The following TMEM163 variants were observed in gnomAD, a reference collection of about 807,000 sequenced individuals.
TMEM163 encodes the protein transmembrane protein 163.
TMEM163 carries 17 observed loss-of-function variants against 29.3 expected under a neutral mutation model. The observed-to-expected ratio is 0.58, with a 90% confidence interval of 0.40 to 0.87. The LOEUF is 0.87. Ranked by LOEUF, TMEM163 falls within the 40% of genes least tolerant of loss-of-function variation. The pLI is 0.00. For missense variants in TMEM163, 303 were observed against 381.5 expected (o/e 0.79, Z 1.71); for synonymous variants, 157 against 160.6 (o/e 0.98, Z 0.17).
At chr2:134,590,551 CAAGA>C (rs922649774) in intron 2 of TMEM163, among the ~76,000 whole-genome samples, 1 of 152,070 alleles carries the variant, frequency 6.6e-6, no homozygotes, top group Non-Finnish European at 1.5e-5. Flanking sequence ...GGATCTTGTG[CAAGA>C]AAGAATTCAG....
intron 5 of TMEM163, among the ~76,000 whole-genome samples, chr2:134,480,928 C>G (rs1687038030): frequency 6.6e-6 from 1 of 152,114 alleles, no homozygotes; most frequent in Non-Finnish European, 1.5e-5. Context: ...AATGGTAATA[C>G]CAGTTTAACC....
At chr2:134,561,305 G>A (rs749978844) in intron 2 of TMEM163, among the ~76,000 whole-genome samples, 3 of 152,190 alleles carry the variant, frequency 2.0e-5, no homozygotes, top group African/African-American at 7.2e-5. Context: ...CTGGGTTCAC[G>A]CCATTCTCCA....
intron 2 of TMEM163, among the ~76,000 whole-genome samples, chr2:134,672,746 C>G (rs1472058369): frequency 6.6e-6 from 1 of 152,138 alleles, no homozygotes; most frequent in Non-Finnish European, 1.5e-5. Context: ...TCTATATCCC[C>G]TTGGTCCACT....
chr2:134,617,597 AT>A (rs1279882836), intron 2 of TMEM163, among the ~76,000 whole-genome samples: 1 of 150,106 alleles, frequency 6.7e-6, no homozygotes, highest in Admixed American at 6.6e-5. Context: ...GTGAGACCCC[AT>A]CTCAAAAAAA....
intron 2 of TMEM163, among the ~76,000 whole-genome samples, chr2:134,670,740 G>A (rs1350344104): frequency 1.3e-5 from 2 of 152,188 alleles, no homozygotes; most frequent in African/African-American, 4.8e-5. Context: ...CAAAGACTTG[G>A]CCTTTTAACT....
chr2:134,630,261 A>G (rs192076981), intron 2 of TMEM163, among the ~76,000 whole-genome samples: 177 of 152,148 alleles, frequency 1.2e-3, no homozygotes, highest in African/African-American at 4.2e-3. Context: ...ACACATGATA[A>G]GTCTCTAGGA....
At chr2:134,603,046 ATGC>A (rs1682271136) in intron 2 of TMEM163, among the ~76,000 whole-genome samples, 1 of 152,154 alleles carries the variant, frequency 6.6e-6, no homozygotes, top group South Asian at 2.1e-4. Context: ...CCTCCAAAAG[ATGC>A]TGCCCCATGT....
At chr2:134,458,284 G>A (rs1686447800) in intron 6 of TMEM163, 111 bp from the exon 7 acceptor site, 6 of 1,349,914 alleles carry the variant, frequency 4.4e-6, no homozygotes, top group South Asian at 4.0e-5. Flanking sequence ...GAGGAATGAT[G>A]CCCAAAGCTC....
chr2:134,486,860 C>T (rs545808650), intron 5 of TMEM163, among the ~76,000 whole-genome samples: 95 of 146,650 alleles, frequency 6.5e-4, no homozygotes, highest in Middle Eastern at 3.4e-3. Context: ...TGCTCTTTGA[C>T]CAAAGAGGGT....
chr2:134,712,574 T>G (rs1018081862), intron 2 of TMEM163, among the ~76,000 whole-genome samples: 1 of 152,164 alleles, frequency 6.6e-6, no homozygotes, highest in Non-Finnish European at 1.5e-5. Context: ...ACACATACAT[T>G]TCCATAGGCT....
intron 2 of TMEM163, among the ~76,000 whole-genome samples, chr2:134,558,898 T>C (rs1681106750): frequency 6.6e-6 from 1 of 152,186 alleles, no homozygotes; most frequent in Non-Finnish European, 1.5e-5. Context: ...CCTACTTTAA[T>C]TGGACAGCCT....
intron 5 of TMEM163, among the ~76,000 whole-genome samples, chr2:134,485,109 C>T (rs1023684190): frequency 2.6e-5 from 4 of 152,140 alleles, no homozygotes; most frequent in African/African-American, 7.2e-5. Context: ...GGGGTTATGT[C>T]CGGATAAACC....
At chr2:134,606,300 A>G (rs7602801) in intron 2 of TMEM163, among the ~76,000 whole-genome samples, 99,326 of 151,070 alleles carry the variant, frequency 0.66, 34,215 homozygotes, top group African/African-American at 0.83. Context: ...CTAAGACCGC[A>G]CCATTGCACT....
chr2:134,588,086 G>C (rs115090703), intron 2 of TMEM163, among the ~76,000 whole-genome samples: 5,757 of 152,230 alleles, frequency 0.038, 163 homozygotes, highest in Admixed American at 0.085. Flanking sequence ...TTACCCTGTG[G>C]TCCTACAATT....
At chr2:134,531,389 C>T (rs575267403) in intron 4 of TMEM163, among the ~76,000 whole-genome samples, 1 of 152,328 alleles carries the variant, frequency 6.6e-6, no homozygotes, top group East Asian at 1.9e-4. Context: ...GGGTGTCCTC[C>T]AGTTCAATTC....
rs1686665852 is a variant in TMEM163, at chr2:134,466,172, C to A, written c.609G>T (p.Leu203=). The change falls in exon 6 of 8, where the codon CTG becomes CTT. Residue 203 remains leucine (L), a synonymous_variant. Transcript: ENST00000281924. ...SILSGILCSI[L]AVLKFMLGKV... is the part of the protein sequence containing the mutation. ...TCCCCAGCATGAACTTCAACACGGC[C>A]AGGATGCTGCAAAGAATCCCACTTA... 6.2e-7 allele frequency: 1 copy of A among 1,613,930 alleles called. No homozygotes were observed. Among genetic ancestry groups the A allele is most frequent in the African/African-American group, 1.3e-5 (1 of 74,924 alleles).
chr2:134,669,606 C>G (rs191155308), intron 2 of TMEM163, among the ~76,000 whole-genome samples: 58 of 152,334 alleles, frequency 3.8e-4, no homozygotes, highest in Admixed American at 3.3e-3. Context: ...GACATTCCGT[C>G]ACTGACAGTG....
intron 2 of TMEM163, among the ~76,000 whole-genome samples, chr2:134,603,914 C>A (rs917204623): frequency 6.6e-6 from 1 of 151,592 alleles, no homozygotes; most frequent in Non-Finnish European, 1.5e-5. Flanking sequence ...GAGAAGGAAG[C>A]GAGGAAGGAA....
At chr2:134,655,573 TTGTTCCGTTGC>T (rs1683582687) in intron 2 of TMEM163, among the ~76,000 whole-genome samples, 1 of 141,666 alleles carries the variant, frequency 7.1e-6, no homozygotes, top group Non-Finnish European at 1.5e-5. Context: ...CCATCCAGCT[TTGTTCCGTTGC>T]TGGTGAGGAA....
Sources: allele counts gnomAD v4.1 joint callset (sites outside exome capture counted in the v4.1 genomes callset), GRCh38; gene constraint gnomAD v4.1.1; transcripts MANE v1.5; gene names NCBI Gene and HGNC (gene_info 2026-07-23, HGNC 2026-07-21).